Variants in TDRP observed in about 807,000 individuals in gnomAD.
TDRP encodes the protein testis development-related protein.
A neutral mutation model predicts 10.5 loss-of-function variants in TDRP; 12 were observed. The ratio of observed to expected loss-of-function variants is 1.15; its 90% confidence interval spans 0.73 to 1.86. TDRP has a LOEUF of 1.86. TDRP is among the 40% of genes most tolerant of loss of function. The pLI is 0.00. For missense variants in TDRP, 353 were observed against 229.2 expected (o/e 1.54, Z -3.49); for synonymous variants, 139 against 95.4 (o/e 1.46, Z -2.67).
At chr8:517,522 G>A (rs1046239559) in intron 1 of TDRP, among the ~76,000 whole-genome samples, 1 of 152,134 alleles carries the variant, frequency 6.6e-6, no homozygotes, top group Non-Finnish European at 1.5e-5. Flanking sequence ...ATTCCTTTCT[G>A]ACTTCAGGCA....
chr8:529,664 A>G (rs1802133521), intron 1 of TDRP, among the ~76,000 whole-genome samples: 1 of 152,090 alleles, frequency 6.6e-6, no homozygotes, highest in African/African-American at 2.4e-5. Flanking sequence ...GTGTATTTTT[A>G]TTTTTAACAA....
At chr8:529,047 T>C (rs1287397793) in intron 1 of TDRP, among the ~76,000 whole-genome samples, 1 of 152,156 alleles carries the variant, frequency 6.6e-6, no homozygotes, top group Non-Finnish European at 1.5e-5. Context: ...TAGGCCAGTC[T>C]AGCCTTTTCA....
At chr8:533,472 A>G (rs1416976422) in intron 1 of TDRP, among the ~76,000 whole-genome samples, 1 of 152,130 alleles carries the variant, frequency 6.6e-6, no homozygotes, top group Non-Finnish European at 1.5e-5. Flanking sequence ...ACTCTTTGGC[A>G]AGCTCACCTT....
chr8:510,757 G>A (rs973523629), intron 1 of TDRP, among the ~76,000 whole-genome samples: 4 of 152,182 alleles, frequency 2.6e-5, no homozygotes, highest in African/African-American at 9.7e-5. Context: ...CTGAAAACGA[G>A]GAACTCCATA....
chr8:505,928 CCCAGTG>C (rs766801973), intron 1 of TDRP, among the ~76,000 whole-genome samples: 20 of 152,266 alleles, frequency 1.3e-4, no homozygotes, highest in Middle Eastern at 6.8e-3. Flanking sequence ...GCTAGCTTCA[CCCAGTG>C]CCAGCCAGGA....
intron 1 of TDRP, among the ~76,000 whole-genome samples, chr8:512,019 T>G (rs1801633264): frequency 6.6e-6 from 1 of 151,376 alleles, no homozygotes; most frequent in Admixed American, 6.6e-5. Flanking sequence ...AAGAGCAAAC[T>G]AAACCTAAAG....
chr8:500,192 T>C (rs1457989088), intron 1 of TDRP, among the ~76,000 whole-genome samples: 2 of 152,228 alleles, frequency 1.3e-5, no homozygotes, highest in African/African-American at 4.8e-5. Context: ...CTGTTTTAGC[T>C]ATACCTTAGT....
chr8:501,191 G>A (rs1290712914), intron 1 of TDRP, among the ~76,000 whole-genome samples: 1 of 151,796 alleles, frequency 6.6e-6, no homozygotes, highest in Non-Finnish European at 1.5e-5. Context: ...GGGCGACAGA[G>A]TGAGACTCCA....
chr8:534,847 T>C (rs17065119), intron 1 of TDRP, among the ~76,000 whole-genome samples: 8,195 of 152,258 alleles, frequency 0.054, 240 homozygotes, highest in African/African-American at 0.075. Flanking sequence ...TTTTGGGCTA[T>C]TGTGAGAAGC....
intron 1 of TDRP, among the ~76,000 whole-genome samples, chr8:516,148 G>A (rs968952889): frequency 6.6e-5 from 10 of 152,166 alleles, no homozygotes; most frequent in Non-Finnish European, 8.8e-5. Context: ...GTCCGGTAGA[G>A]CGGTTCCTAA....
In TDRP at chr8:514,774, C is replaced by A. The variant is rs756514416; in HGVS notation, c.109-20177G>T. 9.9e-5 allele frequency among the ~76,000 whole-genome samples: 15 copies of A among 152,168 alleles called. No homozygotes were observed. In the East Asian group the frequency reaches 1.4e-3, roughly 14 times the overall value. On this transcript the variant is annotated intron_variant, in intron 1 of 2. Coordinates refer to ENST00000324079, the MANE Select transcript of TDRP (RefSeq NM_001384899.1). Reference sequence around the variant, plus strand: ...CCAGCTCTATAGGGGAAGGCCCACCCGAGAAGCAACGGGAACATGTGTTGA... The same window carrying A: ...CCAGCTCTATAGGGGAAGGCCCACCAGAGAAGCAACGGGAACATGTGTTGA...
Position 544,588 on chromosome 8 carries a change from C to G in TDRP, c.108+62G>C, listed in dbSNP as rs965714031. On this transcript the variant is annotated intron_variant, in intron 1 of 2. Coordinates refer to ENST00000324079, the MANE Select transcript of TDRP (RefSeq NM_001384899.1). ...CGCACCTCCACCTGCGCGCCGCCCA[C>G]CCTCGCCCTCCACCTGCGCGCCCCC... 365 of 1,123,240 alleles carry G rather than the reference C, an allele frequency of 3.2e-4. 1 individual carries two copies. In the Middle Eastern group the frequency reaches 3.3e-3, roughly 10 times the overall value. 69.6% of individuals were successfully genotyped at this position (1,123,240 alleles called of 1,614,324 possible).
intron 1 of TDRP, among the ~76,000 whole-genome samples, chr8:537,294 A>C (rs1171980833): frequency 6.6e-6 from 1 of 152,208 alleles, no homozygotes; most frequent in Non-Finnish European, 1.5e-5. Flanking sequence ...CTGTCGCACA[A>C]GTGAGAAGTG....
chr8:511,084 G>C (rs1024824130), intron 1 of TDRP, among the ~76,000 whole-genome samples: 11 of 152,252 alleles, frequency 7.2e-5, no homozygotes, highest in Non-Finnish European at 1.3e-4. Flanking sequence ...ATGAAGGCAT[G>C]AGACATATGG....
intron 1 of TDRP, among the ~76,000 whole-genome samples, chr8:540,804 C>G (rs541994917): frequency 7.7e-5 from 6 of 77,506 alleles, no homozygotes; most frequent in Non-Finnish European, 1.2e-4. Flanking sequence ...TACTTTTTCA[C>G]GTAAAAAAAA....
intron 1 of TDRP, among the ~76,000 whole-genome samples, chr8:520,458 T>C (rs910220703): frequency 2.0e-5 from 3 of 152,218 alleles, no homozygotes; most frequent in African/African-American, 7.2e-5. Context: ...TTGGGATATA[T>C]ACACAGAAGT....
intron 2 of TDRP, among the ~76,000 whole-genome samples, chr8:493,606 A>T (rs551636469): frequency 1.3e-5 from 2 of 152,274 alleles, no homozygotes; most frequent in Admixed American, 1.3e-4. Context: ...GCCATTGGTA[A>T]TATCATTGGG....
At chr8:528,961 A>C (rs1802110484) in intron 1 of TDRP, among the ~76,000 whole-genome samples, 1 of 152,190 alleles carries the variant, frequency 6.6e-6, no homozygotes, top group African/African-American at 2.4e-5. Context: ...CCGAGTCCCA[A>C]AACTGAAGAA....
intron 1 of TDRP, among the ~76,000 whole-genome samples, chr8:500,847 G>T (rs1801271988): frequency 6.6e-6 from 1 of 152,126 alleles, no homozygotes; most frequent in Admixed American, 6.5e-5. Context: ...CCAGTAATGT[G>T]GGCAAGACCA....
Sources: allele counts gnomAD v4.1 joint callset (sites outside exome capture counted in the v4.1 genomes callset), GRCh38; gene constraint gnomAD v4.1.1; transcripts MANE v1.5; gene names NCBI Gene and HGNC (gene_info 2026-07-23, HGNC 2026-07-21).